The following CHST9 variants were observed in gnomAD, a reference collection of about 807,000 sequenced individuals.
CHST9 encodes carbohydrate sulfotransferase 9, also known as GalNAc-4-sulfotransferase 2.
CHST9 carries 41 observed loss-of-function variants against 44.4 expected under a neutral mutation model. That is an observed-to-expected ratio of 0.92 (90% CI 0.72 to 1.20). The LOEUF is 1.20. Among genes scored for constraint, CHST9 ranks in the 50% most tolerant of loss-of-function variants. CHST9 has a pLI of 0.00. For missense variants in CHST9, 504 were observed against 516.5 expected, an observed-to-expected ratio of 0.98 and a Z score of 0.23; for synonymous variants, 171 against 178.4, an observed-to-expected ratio of 0.96 and a Z score of 0.33.
At chr18:27,056,372 G>A (rs951627893) in intron 2 of CHST9, among the ~76,000 whole-genome samples, 17 of 152,184 alleles carry the variant, frequency 1.1e-4, no homozygotes, top group African/African-American at 4.1e-4. Flanking sequence ...TATGAATCCA[G>A]AGATTTTTAC....
At chr18:26,966,261 G>A (rs2056463230) in intron 4 of CHST9, among the ~76,000 whole-genome samples, 1 of 152,106 alleles carries the variant, frequency 6.6e-6, no homozygotes, top group African/African-American at 2.4e-5. Flanking sequence ...AAAAAATCAA[G>A]TACAAAGTAT....
chr18:27,142,811 T>C lies in CHST9; in HGVS notation c.-2A>G. On this transcript the variant is annotated 5_prime_UTR_variant, in exon 2 of 6. Transcript: ENST00000618847. ...CATGACCATTTCAGATGGCTGCATT[T>C]CTCCTTATTTCAGAATCTGAAGACC... 4 of 1,598,124 alleles carry C rather than the reference T, an allele frequency of 2.5e-6. No homozygotes were observed. The highest frequency in any genetic ancestry group is 3.4e-6 in the Non-Finnish European group (4 of 1,174,788).
intron 1 of CHST9, among the ~76,000 whole-genome samples, chr18:27,153,139 G>A (rs148212718): frequency 1.3e-4 from 20 of 152,246 alleles, no homozygotes; most frequent in South Asian, 6.2e-4. Flanking sequence ...ACACAGTTTA[G>A]AATGGATTGC....
intron 1 of CHST9, among the ~76,000 whole-genome samples, chr18:27,167,197 C>A (rs1420502531): frequency 1.3e-5 from 2 of 152,206 alleles, no homozygotes; most frequent in Non-Finnish European, 2.9e-5. Flanking sequence ...ATGCTTTTAA[C>A]TCACCATAGT....
intron 4 of CHST9, among the ~76,000 whole-genome samples, chr18:27,003,125 C>T (rs1453394736): frequency 2.0e-5 from 3 of 152,046 alleles, no homozygotes; most frequent in South Asian, 4.2e-4. Flanking sequence ...TTGTTGTTTG[C>T]GTGAATGAAA....
chr18:27,059,875 G>C (rs750996405), intron 2 of CHST9, among the ~76,000 whole-genome samples: 5 of 152,170 alleles, frequency 3.3e-5, no homozygotes, highest in Non-Finnish European at 7.3e-5. Flanking sequence ...AGACATTCAG[G>C]GAAGCCGATA....
chr18:27,046,214 A>G (rs2057498241), intron 3 of CHST9, among the ~76,000 whole-genome samples: 1 of 152,044 alleles, frequency 6.6e-6, no homozygotes. Flanking sequence ...CTTGTTAGGA[A>G]GTTATTTCTT....
chr18:26,930,457 T>C (rs1410848073), intron 5 of CHST9, among the ~76,000 whole-genome samples: 1 of 152,210 alleles, frequency 6.6e-6, no homozygotes, highest in Admixed American at 6.5e-5. Context: ...AATGGATATT[T>C]GCAAGGTCTA....
chr18:27,070,260 G>A lies in CHST9; in HGVS notation c.122-21757C>T, dbSNP rs115139800. ...GCACTGGGCTTGGGTCAGCTTCAGG[G>A]GCTCCACACTTAATGCTCTTTATAA... On this transcript the variant is annotated intron_variant, in intron 2 of 5. Transcript: ENST00000618847. Among the ~76,000 whole-genome samples, 742 of 152,166 alleles carry A rather than the reference G, an allele frequency of 4.9e-3. 4 individuals are homozygous for A. The highest frequency in any genetic ancestry group is 0.017 in the African/African-American group (709 of 41,520).
At chr18:27,065,469 T>G (rs778662683) in intron 2 of CHST9, among the ~76,000 whole-genome samples, 2 of 152,168 alleles carry the variant, frequency 1.3e-5, no homozygotes, top group Non-Finnish European at 2.9e-5. Flanking sequence ...ATTCCCTGAT[T>G]CCTTAAAAAT....
At chr18:27,045,880 C>G (rs1351857598) in intron 3 of CHST9, among the ~76,000 whole-genome samples, 3 of 152,032 alleles carry the variant, frequency 2.0e-5, no homozygotes, top group African/African-American at 7.2e-5. Context: ...CAGTTTTATT[C>G]CATAGTCCTG....
At position 27,172,538 on chromosome 18, in the gene CHST9, ATT is replaced by A. The variant is rs528783495; in HGVS notation, c.-97+12596_-97+12597del. Reference sequence around the variant, plus strand: ...AAGAACATGCTCCATCTCCACAACAATTTGTTACTATTTTCTTCTTATTAAAA... The same window carrying A: ...AAGAACATGCTCCATCTCCACAACAATGTTACTATTTTCTTCTTATTAAAA... On this transcript the variant is annotated intron_variant, in intron 1 of 5. Transcript: ENST00000618847. Among the ~76,000 whole-genome samples, 26 of 152,090 alleles carry A rather than the reference ATT, an allele frequency of 1.7e-4. No individual in the cohort carries two copies. The South Asian group carries it at 5.0e-3, about 29-fold the overall frequency.
chr18:27,128,640 T>C (rs1262853231), intron 2 of CHST9, among the ~76,000 whole-genome samples: 2 of 152,180 alleles, frequency 1.3e-5, no homozygotes, highest in African/African-American at 4.8e-5. Flanking sequence ...ACGGAGAAGA[T>C]TGGCCAGTCC....
rs182795469 is a variant in CHST9, at chr18:26,976,123, C to A, written c.203-31757G>T. 2.0e-3 allele frequency among the ~76,000 whole-genome samples: 303 copies of A among 151,980 alleles called. 1 individual carries two copies. Among genetic ancestry groups the A allele is most frequent in the African/African-American group, 6.9e-3 (288 of 41,502 alleles). ...AGGAGGACTAAATAAGTGGGATAAGCAAAAGCTACTTAGAATTTTAAAAAC... is the reference window on the plus strand; with the variant it reads ...AGGAGGACTAAATAAGTGGGATAAGAAAAAGCTACTTAGAATTTTAAAAAC... On this transcript the variant is annotated intron_variant, in intron 4 of 5. Transcript: ENST00000618847.
chr18:26,918,530 A>ATG (rs533684954), intron 5 of CHST9, among the ~76,000 whole-genome samples: 42 of 151,974 alleles, frequency 2.8e-4, no homozygotes, highest in East Asian at 9.7e-4. Context: ...GTACATATAT[A>ATG]TGTGTGTGTG....
intron 4 of CHST9, among the ~76,000 whole-genome samples, chr18:26,989,574 T>C (rs1043167529): frequency 6.6e-6 from 1 of 152,190 alleles, no homozygotes; most frequent in African/African-American, 2.4e-5. Flanking sequence ...TTCCTAGGCA[T>C]TTTTCCCAAG....
intron 4 of CHST9, among the ~76,000 whole-genome samples, chr18:27,004,513 G>A (rs1157076140): frequency 6.6e-6 from 1 of 152,036 alleles, no homozygotes; most frequent in East Asian, 1.9e-4. Flanking sequence ...ATCAAGAGAG[G>A]TGCTGAATCC....
chr18:26,999,400 T>C (rs893007585), intron 4 of CHST9, among the ~76,000 whole-genome samples: 2 of 152,192 alleles, frequency 1.3e-5, no homozygotes, highest in African/African-American at 4.8e-5. Context: ...AAGGATGTAG[T>C]CCATAATGCT....
In CHST9 at chr18:27,024,596, G is replaced by T. The variant is rs11876203; in HGVS notation, c.161-439C>A. Among the ~76,000 whole-genome samples the T allele has an allele frequency of 9.3e-3, 1,414 of 152,234 alleles. 21 individuals carry two copies. The highest frequency in any genetic ancestry group is 0.033 in the African/African-American group (1,352 of 41,534). On this transcript the variant is annotated intron_variant, in intron 3 of 5. Transcript: ENST00000618847. ...TGTGTAAAATTGAGTACTTGGGCTC[G>T]ATGTCTTTGGGTGAAATTGAGATAG... is the stretch of plus-strand genomic sequence containing the variant.
Sources: gnomAD v4.1 joint callset for allele counts (sites outside exome capture counted in the v4.1 genomes callset) on GRCh38, gnomAD v4.1.1 for gene constraint, MANE v1.5 for transcripts, NCBI Gene and HGNC (gene_info 2026-07-23, HGNC 2026-07-21) for gene names.